The following CCDC15 variants were observed in gnomAD, a reference collection of about 807,000 sequenced individuals.
The protein encoded by CCDC15 is coiled-coil domain containing 15, also known as coiled-coil domain-containing protein 15.
Under a neutral mutation model 114.5 loss-of-function variants are expected in CCDC15, and 105 were observed. The ratio of observed to expected loss-of-function variants is 0.92; its 90% CI spans 0.78 to 1.08. The LOEUF (loss-of-function observed/expected upper bound fraction) is 1.08. CCDC15 is among the 50% of genes least tolerant of loss of function. The pLI is 0.00. For synonymous variants in CCDC15, 334 were observed against 377.8 expected, an observed-to-expected ratio of 0.88 and a Z score of 1.34; for missense variants, 1,105 against 1,093.6, an observed-to-expected ratio of 1.01 and a Z score of -0.15.
chr11:124,991,652 A>G, intron 9 of CCDC15, 69 bp downstream of exon 9: 1 of 1,355,750 alleles, frequency 7.4e-7, no homozygotes, highest in Non-Finnish European at 9.9e-7. Flanking sequence ...ACAACTGGTA[A>G]TTTAGAATGA....
At chr11:124,997,865 TCAG>T (rs1948402689) in intron 11 of CCDC15, among the ~76,000 whole-genome samples, 2 of 152,036 alleles carry the variant, frequency 1.3e-5, no homozygotes, top group African/African-American at 2.4e-5. Flanking sequence ...TCACTTGAAC[TCAG>T]GAGGCAGAGG....
chr11:125,016,662 G>A (rs190599826), intron 13 of CCDC15, among the ~76,000 whole-genome samples: 32 of 152,244 alleles, frequency 2.1e-4, no homozygotes, highest in Admixed American at 2.0e-3. Context: ...TCATATGTAA[G>A]CATTTTACAG....
At chr11:124,973,834 C>G (rs1947927265) in intron 4 of CCDC15, among the ~76,000 whole-genome samples, 1 of 152,008 alleles carries the variant, frequency 6.6e-6, no homozygotes, top group Admixed American at 6.5e-5. Context: ...ACCATCATTT[C>G]TCTTCAAGGG....
intron 11 of CCDC15, among the ~76,000 whole-genome samples, chr11:124,995,377 C>T (rs1468945771): frequency 6.6e-6 from 1 of 151,220 alleles, no homozygotes; most frequent in Non-Finnish European, 1.5e-5. Flanking sequence ...TGCTTGTTTT[C>T]TTATTGTCTG....
chr11:124,979,912 T>C lies in CCDC15; in HGVS notation c.753+2312T>C, dbSNP rs570491565. On this transcript the variant is annotated intron_variant, in intron 6 of 15. Transcript: ENST00000344762. Reference sequence around the variant, plus strand: ...GATGTTGGCTCTGGGTTTTTTGTTATAGATGGCTATTTTTATTTTGAAGTA... The same window carrying C: ...GATGTTGGCTCTGGGTTTTTTGTTACAGATGGCTATTTTTATTTTGAAGTA... Among the ~76,000 whole-genome samples the C allele has an allele frequency of 2.0e-5, 3 of 152,298 alleles. No homozygotes were observed. The East Asian group carries it at 5.8e-4, about 29-fold the overall frequency.
At chr11:125,019,063 A>G (rs1453767576) in intron 13 of CCDC15, among the ~76,000 whole-genome samples, 1 of 152,066 alleles carries the variant, frequency 6.6e-6, no homozygotes, top group Non-Finnish European at 1.5e-5. Flanking sequence ...ACATGATTGT[A>G]AAGACCTTAG....
rs761667323 is a variant in CCDC15 at position 125,038,592 on chromosome 11, AAG to A, written c.2575_2576del (p.Glu859IlefsTer20). The A allele has an allele frequency of 3.8e-6, 6 of 1,566,170 alleles. No homozygotes were observed. The highest frequency in any genetic ancestry group is 5.2e-6 in the Non-Finnish European group (6 of 1,159,526). Reference sequence around the variant, plus strand: ...ACCAGAGAAAAACAACAGAGAGAAAAAGAATACCTGAGGTAATTTGAAAAGGT... The same window carrying A: ...ACCAGAGAAAAACAACAGAGAGAAAAAATACCTGAGGTAATTTGAAAAGGT... On this transcript the variant is annotated frameshift_variant, in exon 14 of 16. Transcript: ENST00000344762. LOFTEE classifies it high-confidence loss of function.
chr11:124,985,282 G>C (rs1008412583), intron 6 of CCDC15, among the ~76,000 whole-genome samples: 1 of 152,032 alleles, frequency 6.6e-6, no homozygotes, highest in African/African-American at 2.4e-5. Flanking sequence ...TTCACTTCTT[G>C]GTGTTTATGA....
chr11:125,015,918 C>A (rs1948626701), intron 13 of CCDC15, among the ~76,000 whole-genome samples: 1 of 152,182 alleles, frequency 6.6e-6, no homozygotes, highest in Non-Finnish European at 1.5e-5. Flanking sequence ...AGCCCCCGGG[C>A]AGCTTCTTAA....
chr11:124,984,941 C>G (rs1948132347), intron 6 of CCDC15, among the ~76,000 whole-genome samples: 1 of 152,190 alleles, frequency 6.6e-6, no homozygotes, highest in Non-Finnish European at 1.5e-5. Flanking sequence ...AGCCAGCTAT[C>G]TTGTTTTTGG....
Position 124,959,858 on chromosome 11 carries a change from A to T in CCDC15, c.371A>T (p.His124Leu). 6.2e-7 allele frequency: 1 copy of T among 1,602,102 alleles called. No homozygotes were observed. The stretch of plus-strand genomic sequence containing the variant: ...ATAGCCATGCAGTCTTCAGCAACAC[A>T]CTTAACTTCCAAAAGGACAAGTGTT... ...GSIAMQSSAT[H>L]LTSKRTSVFP... The change falls in exon 4 of 16, where the codon CAC becomes CTC. Residue 124 changes from histidine (H) to leucine (L), a missense_variant. Transcript: ENST00000344762.
chr11:124,996,195 G>T (rs941891694), intron 11 of CCDC15, among the ~76,000 whole-genome samples: 1 of 152,008 alleles, frequency 6.6e-6, no homozygotes, highest in Non-Finnish European at 1.5e-5. Flanking sequence ...TAATAGTATA[G>T]ATTTATATCA....
At chr11:124,966,796 T>C (rs1428427921) in intron 4 of CCDC15, among the ~76,000 whole-genome samples, 2 of 152,216 alleles carry the variant, frequency 1.3e-5, no homozygotes, top group Non-Finnish European at 2.9e-5. Flanking sequence ...TTCCTTTCCA[T>C]GTTTAGTGCT....
intron 13 of CCDC15, among the ~76,000 whole-genome samples, chr11:125,010,786 A>C (rs1402976903): frequency 2.0e-5 from 3 of 152,138 alleles, no homozygotes; most frequent in Non-Finnish European, 4.4e-5. Flanking sequence ...GCTGTGAGGA[A>C]GCTCTTTAGT....
chr11:125,022,131 C>T (rs927936936), intron 13 of CCDC15, among the ~76,000 whole-genome samples: 2 of 151,808 alleles, frequency 1.3e-5, no homozygotes, highest in Admixed American at 6.6e-5. Context: ...CATTCTCTAA[C>T]TTATTTCACA....
chr11:125,003,091 A>G (rs1948504541), intron 11 of CCDC15, among the ~76,000 whole-genome samples: 1 of 150,194 alleles, frequency 6.7e-6, no homozygotes, highest in African/African-American at 2.4e-5. Context: ...TGTATGTTTC[A>G]GAGTATAAAA....
intron 13 of CCDC15, among the ~76,000 whole-genome samples, chr11:125,032,628 T>G (rs1948747850): frequency 1.3e-5 from 2 of 152,218 alleles, no homozygotes; most frequent in African/African-American, 4.8e-5. Flanking sequence ...GATTTACTAT[T>G]TTTCTAGGTA....
Position 124,991,463 on chromosome 11 carries a change from A to G in CCDC15, c.1911A>G (p.Lys637=). The change falls in exon 9 of 16, where the codon AAA becomes AAG. Residue 637 remains lysine, a splice_region_variant and synonymous_variant. Coordinates refer to ENST00000344762, the MANE Select transcript of CCDC15 (RefSeq NM_025004.3). ...TTTTTTATTATTTTATCTTTTAGAA[A>G]GTACACTTTAAGGAGCCATACTCTG... is the stretch of plus-strand genomic sequence containing the variant. ...QDQDFLPKYQ[K]VHFKEPYSDM... 6.6e-7 allele frequency: 1 copy of G among 1,524,590 alleles called. No individual in the cohort carries two copies. The highest frequency in any genetic ancestry group is 8.9e-7 in the Non-Finnish European group (1 of 1,123,058). The allele number at this position is 1,524,590 out of a possible 1,614,324, so 94.4% of individuals were successfully genotyped here.
chr11:124,979,053 G>T (rs11219857), intron 6 of CCDC15, among the ~76,000 whole-genome samples: 40,382 of 151,890 alleles, frequency 0.27, 6,342 homozygotes, highest in African/African-American at 0.44. Flanking sequence ...TGAATTGGGA[G>T]TCCTTTCCCC....
Sources: gnomAD v4.1 joint callset for allele counts (sites outside exome capture counted in the v4.1 genomes callset) on GRCh38, gnomAD v4.1.1 for gene constraint, MANE v1.5 for transcripts, NCBI Gene and HGNC (gene_info 2026-07-23, HGNC 2026-07-21) for gene names.